The following GRIA3 variants were observed in gnomAD, a reference collection of about 807,000 sequenced individuals.
The protein encoded by GRIA3 is glutamate ionotropic receptor AMPA type subunit 3.
In GRIA3, 3 loss-of-function variants were observed where a neutral mutation model predicts 63.0. The ratio of observed to expected loss-of-function variants is 0.05; its 90% CI spans 0.02 to 0.12. The LOEUF is 0.12. GRIA3 is among the 10% of genes least tolerant of loss of function. The pLI, the probability that GRIA3 is intolerant of heterozygous loss-of-function variation, is 1.00. For synonymous variants in GRIA3, 274 were observed against 257.9 expected (o/e 1.06, Z -0.60); for missense variants, 347 against 700.9 (o/e 0.50, Z 5.70).
At chrX:123,355,989 C>A (rs2045131057) in intron 5 of GRIA3, among the ~76,000 whole-genome samples, 1 of 111,673 alleles carries the variant, frequency 9.0e-6, no homozygotes, top group Admixed American at 9.5e-5. Context: ...CATTTTTCTC[C>A]AATAATTTGC....
chrX:123,440,063 T>C (rs1475722316), intron 12 of GRIA3, among the ~76,000 whole-genome samples: 1 of 112,294 alleles, frequency 8.9e-6, no homozygotes, highest in African/African-American at 3.2e-5. Flanking sequence ...TTTCTGTTCC[T>C]GCATCAGTTT....
chrX:123,434,438 C>T (rs2045634557), intron 12 of GRIA3, among the ~76,000 whole-genome samples: 1 of 111,784 alleles, frequency 8.9e-6, no homozygotes, highest in Admixed American at 9.5e-5. Context: ...GAACACATAA[C>T]AGCAACAGCA....
intron 13 of GRIA3, among the ~76,000 whole-genome samples, chrX:123,478,703 G>T (rs371011722): frequency 1.8e-5 from 2 of 112,070 alleles, no homozygotes; most frequent in African/African-American, 6.5e-5. Context: ...ATATGTTAGT[G>T]GGTCCAACTT....
chrX:123,419,245 TA>T (rs1406925548), intron 11 of GRIA3, among the ~76,000 whole-genome samples: 1 of 110,607 alleles, frequency 9.0e-6, no homozygotes, highest in Non-Finnish European at 1.9e-5. Flanking sequence ...CCGTCTCTAC[TA>T]AAAATACAAA....
At chrX:123,294,050 G>T (rs2044671250) in intron 3 of GRIA3, among the ~76,000 whole-genome samples, 1 of 37,407 alleles carries the variant, frequency 2.7e-5, no homozygotes. Flanking sequence ...AAGAGTCCTT[G>T]CTAATAAAAA....
chrX:123,482,733 ATATAT>A, intron 14 of GRIA3, 61 bp from the exon 15 acceptor site: 1 of 1,121,377 alleles, frequency 8.9e-7, no homozygotes, highest in Non-Finnish European at 1.2e-6. Flanking sequence ...TACTGTTGTA[ATATAT>A]TATAATGTTC....
intron 12 of GRIA3, among the ~76,000 whole-genome samples, chrX:123,431,619 T>C (rs2045618670): frequency 8.9e-6 from 1 of 112,289 alleles, no homozygotes; most frequent in African/African-American, 3.2e-5. Context: ...TACAATGATT[T>C]GGAAAGCTGC....
intron 3 of GRIA3, among the ~76,000 whole-genome samples, chrX:123,285,788 A>G (rs1337801589): frequency 9.0e-6 from 1 of 110,597 alleles, no homozygotes. Flanking sequence ...GAGACCTACA[A>G]AGAGACTTAG....
chrX:123,449,890 G>A (rs936183418), intron 12 of GRIA3, among the ~76,000 whole-genome samples: 4 of 111,255 alleles, frequency 3.6e-5, no homozygotes, highest in Non-Finnish European at 7.5e-5. Flanking sequence ...CTGACATATC[G>A]GGGTGGCACT....
intron 12 of GRIA3, among the ~76,000 whole-genome samples, chrX:123,461,696 A>G (rs2045793499): frequency 9.0e-6 from 1 of 111,602 alleles, no homozygotes; most frequent in East Asian, 2.8e-4. Flanking sequence ...GCATTTTGGA[A>G]GAATCACTAG....
chrX:123,469,652 C>A (rs1252411847), intron 13 of GRIA3, among the ~76,000 whole-genome samples: 1 of 112,147 alleles, frequency 8.9e-6, no homozygotes, highest in Non-Finnish European at 1.9e-5. Flanking sequence ...CTTTTGTGTT[C>A]ATGCTTTATT....
chrX:123,188,938 C>T (rs1303962257), intron 2 of GRIA3, among the ~76,000 whole-genome samples: 1 of 112,010 alleles, frequency 8.9e-6, no homozygotes, highest in Non-Finnish European at 1.9e-5. Context: ...GAAAGGTTTC[C>T]TTGCGATGAA....
At chrX:123,350,297 C>T (rs1569423455) in intron 4 of GRIA3, among the ~76,000 whole-genome samples, 1 of 109,928 alleles carries the variant, frequency 9.1e-6, no homozygotes, top group East Asian at 2.9e-4. Context: ...TACATAGATC[C>T]TTTTTTGGCG....
intron 4 of GRIA3, 152 bp downstream of exon 4, chrX:123,326,365 TGC>T: frequency 1.1e-5 from 3 of 262,889 alleles, no homozygotes; most frequent in Admixed American, 7.7e-5. Flanking sequence ...CCCCAGTGGC[TGC>T]AGAAAAAAAA....
At chrX:123,203,675 C>T (rs1467792639) in intron 2 of GRIA3, among the ~76,000 whole-genome samples, 3 of 111,840 alleles carry the variant, frequency 2.7e-5, no homozygotes, top group Non-Finnish European at 3.8e-5. Flanking sequence ...ACTCATCAAG[C>T]TCCCAATTGC....
intron 12 of GRIA3, among the ~76,000 whole-genome samples, chrX:123,452,361 C>T (rs757679206): frequency 9.2e-6 from 1 of 108,148 alleles, no homozygotes; most frequent in Non-Finnish European, 1.9e-5. Flanking sequence ...CACTCCCCCC[C>T]CAAAAAAAAA....
intron 4 of GRIA3, among the ~76,000 whole-genome samples, chrX:123,354,485 G>A (rs1388394646): frequency 9.0e-6 from 1 of 110,691 alleles, no homozygotes; most frequent in Non-Finnish European, 1.9e-5. Flanking sequence ...TTCCTTGAAT[G>A]TTCTATTCCC....
At chrX:123,474,353 A>G (rs1285770032) in intron 13 of GRIA3, among the ~76,000 whole-genome samples, 1 of 112,286 alleles carries the variant, frequency 8.9e-6, no homozygotes. Flanking sequence ...GTTCTTTTGA[A>G]ATACATCAAA....
intron 2 of GRIA3, among the ~76,000 whole-genome samples, chrX:123,206,534 G>C (rs1482391974): frequency 8.9e-6 from 1 of 112,082 alleles, no homozygotes; most frequent in Non-Finnish European, 1.9e-5. Context: ...ATGTCTGTCT[G>C]ATTTAAATTA....
Sources: allele counts gnomAD v4.1 joint callset (sites outside exome capture counted in the v4.1 genomes callset), GRCh38; gene constraint gnomAD v4.1.1; transcripts MANE v1.5; gene names NCBI Gene and HGNC (gene_info 2026-07-23, HGNC 2026-07-21).